Variants in ERBB4 observed in about 807,000 individuals in gnomAD.
ERBB4 encodes erb-b2 receptor tyrosine kinase 4.
A neutral mutation model predicts 158.0 loss-of-function variants in ERBB4; 42 were observed. The ratio of observed to expected loss-of-function variants is 0.27; its 90% confidence interval spans 0.21 to 0.34. The LOEUF is 0.34. Among genes scored for constraint, ERBB4 ranks in the 10% least tolerant of loss-of-function variants. ERBB4 has a pLI of 1.00. For synonymous variants in ERBB4, 583 were observed against 558.7 expected (o/e 1.04, Z -0.61); for missense variants, 1,333 against 1,624.1 (o/e 0.82, Z 3.08).
intron 2 of ERBB4, among the ~76,000 whole-genome samples, chr2:212,037,779 G>T (rs940475135): frequency 4.6e-5 from 7 of 152,134 alleles, no homozygotes; most frequent in Non-Finnish European, 5.9e-5. Context: ...TCTAAGGAAC[G>T]TTGTAAATCT....
intron 1 of ERBB4, among the ~76,000 whole-genome samples, chr2:212,426,622 C>T (rs1356317304): frequency 1.3e-5 from 2 of 152,080 alleles, no homozygotes; most frequent in Non-Finnish European, 2.9e-5. Context: ...TCTAACATCA[C>T]TGATCTATAA....
intron 4 of ERBB4, among the ~76,000 whole-genome samples, chr2:211,776,798 G>T (rs1161422892): frequency 6.6e-6 from 1 of 152,138 alleles, no homozygotes. Context: ...TTATATTGGG[G>T]CAGTGCTTTC....
chr2:211,872,260 C>T (rs922782253), intron 3 of ERBB4, among the ~76,000 whole-genome samples: 2 of 152,166 alleles, frequency 1.3e-5, no homozygotes, highest in African/African-American at 4.8e-5. Context: ...AACATTTCCA[C>T]ATCACAAATT....
chr2:212,271,068 C>A (rs907605614), intron 1 of ERBB4, among the ~76,000 whole-genome samples: 1 of 151,740 alleles, frequency 6.6e-6, no homozygotes, highest in Non-Finnish European at 1.5e-5. Context: ...TCTCCATATT[C>A]TAGTATCCTA....
At chr2:211,520,163 G>A (rs1396458790) in intron 20 of ERBB4, among the ~76,000 whole-genome samples, 1 of 152,096 alleles carries the variant, frequency 6.6e-6, no homozygotes, top group Non-Finnish European at 1.5e-5. Flanking sequence ...CAATACATTT[G>A]TTGGTAAAGT....
intron 22 of ERBB4, 94 bp downstream of exon 22, chr2:211,428,314 C>T: frequency 1.3e-6 from 1 of 751,140 alleles, no homozygotes. Flanking sequence ...GTATTTATAA[C>T]ACAACAAAAT....
chr2:212,203,849 A>G (rs1229629548), intron 1 of ERBB4, among the ~76,000 whole-genome samples: 1 of 152,102 alleles, frequency 6.6e-6, no homozygotes, highest in Admixed American at 6.5e-5. Context: ...CCTCCCTGAC[A>G]CTAGGAATAA....
At chr2:211,808,073 G>T (rs2076661371) in intron 3 of ERBB4, among the ~76,000 whole-genome samples, 1 of 152,144 alleles carries the variant, frequency 6.6e-6, no homozygotes, top group South Asian at 2.1e-4. Flanking sequence ...CCATTCTGTA[G>T]GTTGCCTGTT....
intron 2 of ERBB4, among the ~76,000 whole-genome samples, chr2:211,983,776 A>C (rs1249802234): frequency 6.6e-6 from 1 of 152,194 alleles, no homozygotes; most frequent in African/African-American, 2.4e-5. Flanking sequence ...TTGACTTTCA[A>C]GTATTTGAAA....
At chr2:211,889,250 C>T (rs957187760) in intron 3 of ERBB4, among the ~76,000 whole-genome samples, 12 of 144,798 alleles carry the variant, frequency 8.3e-5, no homozygotes, top group African/African-American at 8.2e-5. Flanking sequence ...CCCTGACCCC[C>T]GAGCAGCCTA....
chr2:211,528,069 C>T (rs544041134), intron 20 of ERBB4, among the ~76,000 whole-genome samples: 1 of 151,942 alleles, frequency 6.6e-6, no homozygotes, highest in African/African-American at 2.4e-5. Flanking sequence ...AGAGTGGCTG[C>T]ATGATGAAAA....
At chr2:212,052,525 T>C (rs1336270115) in intron 2 of ERBB4, among the ~76,000 whole-genome samples, 8 of 152,172 alleles carry the variant, frequency 5.3e-5, no homozygotes, top group Admixed American at 1.3e-4. Flanking sequence ...ATATGTAAAA[T>C]AGAAGTAATG....
chr2:211,500,795 A>G (rs76778207), intron 20 of ERBB4, among the ~76,000 whole-genome samples: 2,277 of 152,156 alleles, frequency 0.015, 70 homozygotes, highest in African/African-American at 0.052. Flanking sequence ...GTTTGTACAT[A>G]TCTCACACTG....
At chr2:212,002,278 A>G (rs2076123594) in intron 2 of ERBB4, among the ~76,000 whole-genome samples, 1 of 152,196 alleles carries the variant, frequency 6.6e-6, no homozygotes, top group Non-Finnish European at 1.5e-5. Flanking sequence ...AGAACCTAAA[A>G]CACATGCAGA....
At chr2:211,940,401 G>A (rs1046456206) in intron 3 of ERBB4, among the ~76,000 whole-genome samples, 3 of 152,008 alleles carry the variant, frequency 2.0e-5, no homozygotes, top group Non-Finnish European at 4.4e-5. Flanking sequence ...TAAGCAAGGG[G>A]GTTTGTCTCC....
chr2:212,228,817 G>T (rs1378466003), intron 1 of ERBB4, among the ~76,000 whole-genome samples: 1 of 152,170 alleles, frequency 6.6e-6, no homozygotes, highest in African/African-American at 2.4e-5. Flanking sequence ...ACTGCCACAT[G>T]CACCAAAGCT....
intron 1 of ERBB4, among the ~76,000 whole-genome samples, chr2:212,388,787 T>C (rs2090761578): frequency 6.6e-6 from 1 of 152,122 alleles, no homozygotes. Context: ...AGACCGTTCT[T>C]AGGGCCAATC....
chr2:212,192,047 T>TGTTATAA (rs2082278677), intron 1 of ERBB4, among the ~76,000 whole-genome samples: 16 of 87,478 alleles, frequency 1.8e-4, no homozygotes, highest in Admixed American at 3.5e-4. Flanking sequence ...GTTATATATA[T>TGTTATAA]GTTATATGTT....
chr2:211,857,143 A>AT (rs1213112861), intron 3 of ERBB4, among the ~76,000 whole-genome samples: 1 of 146,376 alleles, frequency 6.8e-6, no homozygotes, highest in Non-Finnish European at 1.5e-5. Flanking sequence ...GACTCTGTGT[A>AT]TATCTCTGTG....
Sources: gnomAD v4.1 joint callset for allele counts (sites outside exome capture counted in the v4.1 genomes callset) on GRCh38, gnomAD v4.1.1 for gene constraint, MANE v1.5 for transcripts, NCBI Gene and HGNC (gene_info 2026-07-23, HGNC 2026-07-21) for gene names.